Variants in PNPLA5 observed in about 807,000 individuals in gnomAD.
The protein encoded by PNPLA5 is patatin-like phospholipase domain-containing protein 5.
A neutral mutation model predicts 49.1 loss-of-function variants in PNPLA5; 44 were observed. That is an observed-to-expected ratio of 0.90 (90% CI 0.70 to 1.15). The LOEUF (loss-of-function observed/expected upper bound fraction) is 1.15, where lower values mean the gene tolerates loss of function less well. PNPLA5 is among the 50% of genes most tolerant of loss of function. PNPLA5 has a pLI of 0.00. For missense variants in PNPLA5, 603 were observed against 564.0 expected (o/e 1.07, Z -0.70); for synonymous variants, 243 against 244.4 (o/e 0.99, Z 0.06).
intron 1 of PNPLA5, 79 bp downstream of exon 1, chr22:43,891,609 A>G: frequency 1.4e-6 from 2 of 1,445,086 alleles, no homozygotes; most frequent in Non-Finnish European, 1.8e-6. Context: ...GCACAGCGCC[A>G]GGCACCAGCG....
intron 2 of PNPLA5, among the ~76,000 whole-genome samples, chr22:43,890,479 A>T (rs73430877): frequency 6.6e-6 from 1 of 152,224 alleles, no homozygotes; most frequent in Non-Finnish European, 1.5e-5. Context: ...GCGCGTACAC[A>T]CTATTGGCAA....
At chr22:43,885,580 C>T (rs564843507) in intron 6 of PNPLA5, among the ~76,000 whole-genome samples, 13 of 152,278 alleles carry the variant, frequency 8.5e-5, no homozygotes, top group East Asian at 1.9e-4. Flanking sequence ...GCCCTCTCCC[C>T]GATGCTCTTC....
chr22:43,884,522 G>A (rs993034031), intron 6 of PNPLA5, 177 bp from the exon 7 acceptor site: 26 of 547,944 alleles, frequency 4.7e-5, no homozygotes, highest in South Asian at 4.0e-4. Context: ...ATCGTTGTCC[G>A]TGAGACAAGG....
At position 43,880,291 on chromosome 22, in the gene PNPLA5, T is replaced by G. The variant is rs470093; in HGVS notation, c.*504A>C. ...TTCCACCCTCTGGACCTGATAGGAA[T>G]TCAGAAGTCAAGGTTTCCTGAGTGG... On this transcript the variant is annotated 3_prime_UTR_variant, in exon 9 of 9. Transcript: ENST00000216177. 0.87 allele frequency: 346,726 copies of G among 397,602 alleles called. 151,886 individuals carry two copies. Among genetic ancestry groups the G allele is most frequent in the East Asian group, 0.99 (27,809 of 28,034 alleles). The allele number at this position is 397,602 out of a possible 1,614,324, so 24.6% of individuals were successfully genotyped here. A position where few individuals can be genotyped will look rare whatever the true frequency, so the allele number is the denominator to read the frequency against.
chr22:43,882,883 TC>T (rs947997243), intron 7 of PNPLA5, among the ~76,000 whole-genome samples: 4 of 151,694 alleles, frequency 2.6e-5, no homozygotes, highest in African/African-American at 4.8e-5. Context: ...AAAATACAGG[TC>T]CCCCCATGAC....
rs969958186 is a variant in PNPLA5, at chr22:43,891,689, G to C, written c.192C>G (p.Val64=). 1.2e-5 allele frequency: 18 copies of C among 1,545,164 alleles called. No homozygotes were observed. The highest frequency in any genetic ancestry group is 2.4e-5 in the South Asian group (2 of 83,562). ...TCGCCCCCGCGGTCCGGGACTCACC[G>C]ACCGACTTGCCGCAGACGATGCTGA... is the stretch of plus-strand genomic sequence containing the variant. ...NAVSIVCGKS[V]DFCCSHLLGM... The change falls in exon 1 of 9, where the codon GTC becomes GTG. Residue 64 remains valine, a splice_region_variant and synonymous_variant. Transcript: ENST00000216177.
chr22:43,884,470 T>C, intron 6 of PNPLA5, 125 bp from the exon 7 acceptor site: 1 of 1,308,372 alleles, frequency 7.6e-7, no homozygotes, highest in East Asian at 3.0e-5. Context: ...GAAGCAACAC[T>C]GAGCAAGCCC....
chr22:43,890,012 G>C, intron 2 of PNPLA5, 148 bp from the exon 3 acceptor site: 1 of 1,432,440 alleles, frequency 7.0e-7, no homozygotes, highest in Non-Finnish European at 9.2e-7. Flanking sequence ...TCACCTCCCA[G>C]CCAAGCTCTC....
chr22:43,880,870 G>T lies in PNPLA5; in HGVS notation c.1215C>A (p.Arg405=), dbSNP rs759037064. ...LLGPISPPAT[R]VLETSPLQPQ... is the part of the protein sequence containing the mutation. Reference sequence around the variant, plus strand: ...GTTGGAGGGGGCTTGTTTCCAGGACGCGAGTGGCCGGAGGGCTGTGGAGGG... The same window carrying T: ...GTTGGAGGGGGCTTGTTTCCAGGACTCGAGTGGCCGGAGGGCTGTGGAGGG... Residue 405 remains arginine (R), a synonymous_variant, in exon 9 of 9, where the codon CGC becomes CGA. Transcript: ENST00000216177. The T allele has an allele frequency of 3.0e-6, 4 of 1,336,836 alleles. No individual in the cohort carries two copies. The highest frequency in any genetic ancestry group is 5.3e-5 in the South Asian group (2 of 38,060). The allele number at this position is 1,336,836 out of a possible 1,614,324, so 82.8% of individuals were successfully genotyped here. A position where few individuals can be genotyped will look rare whatever the true frequency, so the allele number is the denominator to read the frequency against.
intron 5 of PNPLA5, 194 bp from the exon 6 acceptor site, chr22:43,886,682 G>A (rs1256261333): frequency 1.1e-5 from 10 of 883,832 alleles, no homozygotes; most frequent in South Asian, 1.0e-4. Flanking sequence ...GCCCACTTTC[G>A]AGTGGCTCAT....
chr22:43,889,265 A>G, intron 4 of PNPLA5, 64 bp downstream of exon 4: 6 of 1,573,788 alleles, frequency 3.8e-6, no homozygotes, highest in Non-Finnish European at 5.2e-6. Flanking sequence ...GAGCACACAG[A>G]GTCTGACTCA....
intron 5 of PNPLA5, among the ~76,000 whole-genome samples, chr22:43,887,276 C>A (rs1331267776): frequency 6.6e-6 from 1 of 152,184 alleles, no homozygotes; most frequent in African/African-American, 2.4e-5. Flanking sequence ...TTGCCTACCC[C>A]CAACCCCCAG....
At chr22:43,890,593 G>C (rs912338464) in intron 2 of PNPLA5, among the ~76,000 whole-genome samples, 8 of 152,158 alleles carry the variant, frequency 5.3e-5, no homozygotes, top group African/African-American at 1.7e-4. Context: ...GTTCATTATC[G>C]ATACCGCCTG....
chr22:43,891,611 G>A, intron 1 of PNPLA5, 77 bp downstream of exon 1: 1 of 1,447,800 alleles, frequency 6.9e-7, no homozygotes, highest in Non-Finnish European at 9.1e-7. Context: ...ACAGCGCCAG[G>A]CACCAGCGTC....
At chr22:43,884,100 T>A in intron 7 of PNPLA5, 113 bp downstream of exon 7, 1 of 867,272 alleles carries the variant, frequency 1.2e-6, no homozygotes, top group African/African-American at 1.8e-5. Flanking sequence ...CCAGCCGGGC[T>A]CCCCCCACCC....
At chr22:43,890,421 T>C (rs1000831809) in intron 2 of PNPLA5, among the ~76,000 whole-genome samples, 1 of 152,230 alleles carries the variant, frequency 6.6e-6, no homozygotes, top group African/African-American at 2.4e-5. Context: ...CACCTAACAA[T>C]GTCAGAGACA....
At chr22:43,886,520 G>A in intron 5 of PNPLA5, 32 bp from the exon 6 acceptor site, 1 of 1,585,792 alleles carries the variant, frequency 6.3e-7, no homozygotes, top group East Asian at 2.2e-5. Context: ...GATAAGTCAA[G>A]CATCTGAGCC....
At chr22:43,891,567 A>C in intron 1 of PNPLA5, 121 bp downstream of exon 1, 1 of 1,342,974 alleles carries the variant, frequency 7.4e-7, no homozygotes, top group Non-Finnish European at 9.9e-7. Context: ...CATGGGATTA[A>C]ATGAGGCTGT....
chr22:43,884,480 C>CCCA, intron 6 of PNPLA5, 135 bp from the exon 7 acceptor site: 1 of 1,269,116 alleles, frequency 7.9e-7, no homozygotes, highest in Admixed American at 3.7e-5. Flanking sequence ...TGAGCAAGCC[C>CCCA]CCACCACAGG....
Sources: gnomAD v4.1 joint callset for allele counts (sites outside exome capture counted in the v4.1 genomes callset) on GRCh38, gnomAD v4.1.1 for gene constraint, MANE v1.5 for transcripts, NCBI Gene and HGNC (gene_info 2026-07-23, HGNC 2026-07-21) for gene names.